Variants in LRRC7 observed in about 807,000 individuals in gnomAD.
The protein encoded by LRRC7 is leucine rich repeat containing 7.
A neutral mutation model predicts 175.7 loss-of-function variants in LRRC7; 23 were observed. The ratio of observed to expected loss-of-function variants is 0.13; its 90% CI spans 0.09 to 0.19. LRRC7 has a LOEUF of 0.19. LRRC7 is among the 10% of genes least tolerant of loss of function. The pLI is 1.00. For synonymous variants in LRRC7, 685 were observed against 680.9 expected, an observed-to-expected ratio of 1.01 and a Z score of -0.09; for missense variants, 1,354 against 1,904.7, an observed-to-expected ratio of 0.71 and a Z score of 5.38.
At chr1:69,986,118 T>C in intron 9 of LRRC7, 124 bp from the exon 10 acceptor site, 2 of 853,858 alleles carry the variant, frequency 2.3e-6, no homozygotes, top group South Asian at 4.3e-5. Flanking sequence ...TCCACATTCT[T>C]GCCAACACTT....
At chr1:69,750,093 T>TA (rs139997047) in intron 2 of LRRC7, among the ~76,000 whole-genome samples, 21 of 142,272 alleles carry the variant, frequency 1.5e-4, no homozygotes, top group East Asian at 2.1e-4. Flanking sequence ...AATAAATAAA[T>TA]AATAATAACT....
intron 3 of LRRC7, among the ~76,000 whole-genome samples, chr1:69,785,583 T>C (rs2101041004): frequency 6.6e-6 from 1 of 152,306 alleles, no homozygotes; most frequent in Non-Finnish European, 1.5e-5. Flanking sequence ...ATTATATTTA[T>C]CAAAGTCTTT....
chr1:69,822,437 T>C (rs577760088), intron 4 of LRRC7, among the ~76,000 whole-genome samples: 1 of 152,318 alleles, frequency 6.6e-6, no homozygotes, highest in East Asian at 1.9e-4. Flanking sequence ...GAACAGGTCA[T>C]GGGCAAACTT....
chr1:69,860,499 G>A (rs1390362579), intron 7 of LRRC7, among the ~76,000 whole-genome samples: 1 of 151,932 alleles, frequency 6.6e-6, no homozygotes, highest in African/African-American at 2.4e-5. Flanking sequence ...ATGAGTGACA[G>A]TTATATTCTT....
At chr1:69,608,704 G>A (rs1454515159) in intron 1 of LRRC7, among the ~76,000 whole-genome samples, 3 of 151,336 alleles carry the variant, frequency 2.0e-5, no homozygotes, top group East Asian at 3.9e-4. Flanking sequence ...ATACAGAAGT[G>A]GACAAGAGAT....
At chr1:69,907,384 A>G (rs1300741335) in intron 7 of LRRC7, among the ~76,000 whole-genome samples, 3 of 152,120 alleles carry the variant, frequency 2.0e-5, no homozygotes, top group Non-Finnish European at 4.4e-5. Context: ...TCAGTATGAT[A>G]TTGGCTGTGG....
chr1:69,927,896 G>A (rs1015547043), intron 7 of LRRC7, among the ~76,000 whole-genome samples: 1 of 152,084 alleles, frequency 6.6e-6, no homozygotes, highest in East Asian at 1.9e-4. Flanking sequence ...GCTTTTTAGA[G>A]GTTCCAGTTT....
intron 6 of LRRC7, among the ~76,000 whole-genome samples, chr1:69,836,467 T>C (rs1287656819): frequency 1.3e-5 from 2 of 152,020 alleles, no homozygotes; most frequent in Non-Finnish European, 2.9e-5. Context: ...TTCTTGAATT[T>C]TTAAGTTCTC....
intron 4 of LRRC7, among the ~76,000 whole-genome samples, chr1:69,818,882 A>G (rs1414950175): frequency 6.6e-6 from 1 of 152,002 alleles, no homozygotes; most frequent in Non-Finnish European, 1.5e-5. Flanking sequence ...GTTGGAATAT[A>G]ATTTCTTGTA....
intron 1 of LRRC7, among the ~76,000 whole-genome samples, chr1:69,593,531 A>G (rs1646721860): frequency 1.3e-5 from 2 of 152,214 alleles, no homozygotes; most frequent in African/African-American, 2.4e-5. Context: ...TATAAAATAC[A>G]TAAGTATTCT....
chr1:69,947,778 A>AT (rs898700638), intron 8 of LRRC7, among the ~76,000 whole-genome samples: 3 of 151,796 alleles, frequency 2.0e-5, no homozygotes, highest in African/African-American at 4.8e-5. Context: ...TATATATACT[A>AT]TTTTTTTTAC....
intron 7 of LRRC7, among the ~76,000 whole-genome samples, chr1:69,878,715 GT>G (rs1686271848): frequency 6.6e-6 from 1 of 151,734 alleles, no homozygotes; most frequent in African/African-American, 2.4e-5. Context: ...AAAATCACAG[GT>G]TTATAATGCA....
intron 26 of LRRC7, among the ~76,000 whole-genome samples, chr1:70,111,343 G>A (rs1424034316): frequency 1.3e-5 from 2 of 152,054 alleles, no homozygotes; most frequent in African/African-American, 2.4e-5. Flanking sequence ...TCATTTTTCT[G>A]TTGTACTATT....
chr1:69,641,857 T>C (rs986820748), intron 1 of LRRC7, among the ~76,000 whole-genome samples: 1 of 151,856 alleles, frequency 6.6e-6, no homozygotes, highest in Admixed American at 6.6e-5. Flanking sequence ...CATATGCCTG[T>C]ATCTTTTCCT....
rs1174175346 is a variant in LRRC7 at position 70,039,133 on chromosome 1, C to T, written c.3309C>T (p.Asn1103=). Residue 1103 remains asparagine (N), a synonymous_variant, in exon 21 of 27, where the codon AAC becomes AAT. Transcript: ENST00000651989. ...NPEYVQQASK[N]IAKDLISPRA... is the part of the protein sequence containing the mutation. ...AGTACGTGCAACAGGCCAGCAAAAA[C>T]ATCGCCAAGGATTTGATTAGTCCTA... 4 of 1,614,016 alleles carry T rather than the reference C, an allele frequency of 2.5e-6. No individual in the cohort carries two copies. The African/African-American group carries it at 5.3e-5, about 22-fold the overall frequency.
At chr1:69,665,883 G>T (rs774519443) in intron 1 of LRRC7, among the ~76,000 whole-genome samples, 87 of 152,114 alleles carry the variant, frequency 5.7e-4, no homozygotes, top group African/African-American at 1.9e-3. Flanking sequence ...GGGGAAAGTG[G>T]ACATCTTTGT....
rs1312314198 is a variant in LRRC7 at position 70,126,060 on chromosome 1, T to TAAG, written c.*4174_*4176dup. Among the ~76,000 whole-genome samples the TAAG allele has an allele frequency of 6.6e-6, 1 of 152,124 alleles. No individual in the cohort carries two copies. The highest frequency in any genetic ancestry group is 1.5e-5 in the Non-Finnish European group (1 of 68,024). On this transcript the variant is annotated 3_prime_UTR_variant, in exon 27 of 27. Transcript: ENST00000651989. Reference sequence around the variant, plus strand: ...TCCGTTTAGTATGTTTACTAACTGTTAAGGACAGTCTTAACGCTGTCCCTA... The same window carrying TAAG: ...TCCGTTTAGTATGTTTACTAACTGTTAAGAAGGACAGTCTTAACGCTGTCCCTA...
chr1:69,944,013 A>G (rs1649034990), intron 8 of LRRC7, among the ~76,000 whole-genome samples: 1 of 151,102 alleles, frequency 6.6e-6, no homozygotes, highest in Admixed American at 6.6e-5. Flanking sequence ...CTCTTCTCAA[A>G]TTTTTCAATA....
intron 8 of LRRC7, among the ~76,000 whole-genome samples, chr1:69,940,997 T>G (rs1304668457): frequency 2.6e-5 from 4 of 152,072 alleles, no homozygotes; most frequent in Non-Finnish European, 5.9e-5. Context: ...TGGGTAAGCT[T>G]CAGTCTCAGA....
Sources: allele counts gnomAD v4.1 joint callset (sites outside exome capture counted in the v4.1 genomes callset), GRCh38; gene constraint gnomAD v4.1.1; transcripts MANE v1.5; gene names NCBI Gene and HGNC (gene_info 2026-07-23, HGNC 2026-07-21).